Variants in GKAP1 observed in about 807,000 individuals in gnomAD.
The protein encoded by GKAP1 is G kinase-anchoring protein 1.
A neutral mutation model predicts 56.7 loss-of-function variants in GKAP1; 31 were observed. That is an observed-to-expected ratio of 0.55 (90% CI 0.41 to 0.74). The LOEUF is 0.74. GKAP1 is among the 30% of genes least tolerant of loss of function. The pLI is 0.00. For synonymous variants in GKAP1, 151 were observed against 138.6 expected (o/e 1.09, Z -0.63); for missense variants, 364 against 402.3 (o/e 0.90, Z 0.82).
chr9:83,780,536 G>T, intron 6 of GKAP1, 132 bp from the exon 7 acceptor site: 1 of 499,690 alleles, frequency 2.0e-6, no homozygotes, highest in Non-Finnish European at 3.5e-6. Context: ...AGTCATTTAA[G>T]AGTTTTCTAG....
chr9:83,766,842 C>T (rs1279934055), intron 8 of GKAP1, among the ~76,000 whole-genome samples: 1 of 146,600 alleles, frequency 6.8e-6, no homozygotes, highest in Admixed American at 7.2e-5. Context: ...TTTAGAAATA[C>T]CTTTTAAACA....
At chr9:83,754,440 G>C (rs993967324) in intron 8 of GKAP1, among the ~76,000 whole-genome samples, 1 of 152,282 alleles carries the variant, frequency 6.6e-6, no homozygotes, top group Admixed American at 6.5e-5. Flanking sequence ...TCTAGGAGCT[G>C]AGTACACCAT....
At chr9:83,762,687 G>A (rs536983758) in intron 8 of GKAP1, among the ~76,000 whole-genome samples, 28 of 152,230 alleles carry the variant, frequency 1.8e-4, no homozygotes, top group African/African-American at 6.7e-4. Context: ...CAAGGTACTG[G>A]CATAAACACA....
chr9:83,779,608 C>CGTGTATGTGTAT (rs1943935566), intron 7 of GKAP1, among the ~76,000 whole-genome samples: 2 of 78,492 alleles, frequency 2.5e-5, no homozygotes, highest in African/African-American at 9.1e-5. Context: ...TATATATACA[C>CGTGTATGTGTAT]ATATACACAC....
chr9:83,763,393 A>T (rs377049658), intron 8 of GKAP1, among the ~76,000 whole-genome samples: 1 of 152,226 alleles, frequency 6.6e-6, no homozygotes, highest in Non-Finnish European at 1.5e-5. Flanking sequence ...GGTGACTATT[A>T]GTCAATAATT....
intron 4 of GKAP1, among the ~76,000 whole-genome samples, chr9:83,796,969 C>T (rs1191261654): frequency 6.6e-6 from 1 of 152,106 alleles, no homozygotes; most frequent in Admixed American, 6.5e-5. Context: ...AAATCTTTTT[C>T]GAGGTGTGCT....
intron 2 of GKAP1, among the ~76,000 whole-genome samples, chr9:83,816,409 G>A (rs1944596983): frequency 6.6e-6 from 1 of 152,184 alleles, no homozygotes; most frequent in African/African-American, 2.4e-5. Context: ...ACTCAGTGAG[G>A]ACCTGAGGGA....
intron 8 of GKAP1, among the ~76,000 whole-genome samples, chr9:83,757,291 T>C (rs1042156257): frequency 4.6e-5 from 7 of 152,006 alleles, no homozygotes; most frequent in African/African-American, 1.7e-4. Flanking sequence ...AGAAGAAAAA[T>C]TGGAAGAGTA....
At chr9:83,759,809 G>GT (rs139021004) in intron 8 of GKAP1, among the ~76,000 whole-genome samples, 1,784 of 152,070 alleles carry the variant, frequency 0.012, 39 homozygotes, top group African/African-American at 0.041. Flanking sequence ...CCTTCCTTCG[G>GT]TTTTTTCCTA....
chr9:83,739,683 A>G lies in GKAP1; in HGVS notation c.*14T>C. 3 of 1,597,786 alleles carry G rather than the reference A, an allele frequency of 1.9e-6. No homozygotes were observed. The highest frequency in any genetic ancestry group is 2.6e-6 in the Non-Finnish European group (3 of 1,172,356). ...AAGTTTTAAACTTTGTGTTGACTTC[A>G]AAGGCTAATGTAATCACCTACACTG... is the stretch of plus-strand genomic sequence containing the variant. On this transcript the variant is annotated 3_prime_UTR_variant, in exon 13 of 13. Coordinates refer to ENST00000376371, the MANE Select transcript of GKAP1 (RefSeq NM_025211.4).
At chr9:83,745,003 G>A (rs1466913527) in intron 10 of GKAP1, among the ~76,000 whole-genome samples, 1 of 151,998 alleles carries the variant, frequency 6.6e-6, no homozygotes, top group Non-Finnish European at 1.5e-5. Flanking sequence ...TGACAACTGG[G>A]GATTATTACA....
intron 6 of GKAP1, among the ~76,000 whole-genome samples, chr9:83,782,565 C>G (rs1168120525): frequency 6.6e-6 from 1 of 151,450 alleles, no homozygotes; most frequent in Non-Finnish European, 1.5e-5. Context: ...ACCATGTTGG[C>G]CAGGCTGGTC....
At chr9:83,753,725 AAAAT>A (rs1943431554) in intron 8 of GKAP1, among the ~76,000 whole-genome samples, 2 of 152,230 alleles carry the variant, frequency 1.3e-5, no homozygotes, top group African/African-American at 2.4e-5. Context: ...TATGAAAACT[AAAAT>A]AAATAGCTTT....
chr9:83,775,687 G>A (rs1264124412), intron 7 of GKAP1, among the ~76,000 whole-genome samples: 2 of 151,722 alleles, frequency 1.3e-5, no homozygotes, highest in Non-Finnish European at 2.9e-5. Context: ...ACCAGCCTGA[G>A]CAACCCAGTG....
At chr9:83,774,709 T>C (rs1943825730) in intron 7 of GKAP1, among the ~76,000 whole-genome samples, 1 of 131,822 alleles carries the variant, frequency 7.6e-6, no homozygotes, top group Non-Finnish European at 1.6e-5. Context: ...CCCCTTTTTT[T>C]TTTTTTTTTT....
At chr9:83,776,664 G>T (rs1445827217) in intron 7 of GKAP1, among the ~76,000 whole-genome samples, 1 of 152,078 alleles carries the variant, frequency 6.6e-6, no homozygotes, top group Non-Finnish European at 1.5e-5. Context: ...TGGCAAGATA[G>T]CGAGACTCCA....
At chr9:83,766,761 T>G (rs1301005354) in intron 8 of GKAP1, among the ~76,000 whole-genome samples, 1 of 152,230 alleles carries the variant, frequency 6.6e-6, no homozygotes, top group Non-Finnish European at 1.5e-5. Context: ...ATCAAAGGAC[T>G]GTTAAGTAGA....
intron 9 of GKAP1, among the ~76,000 whole-genome samples, chr9:83,749,355 C>A (rs1943348202): frequency 6.6e-6 from 1 of 151,706 alleles, no homozygotes; most frequent in Non-Finnish European, 1.5e-5. Context: ...GCCTCCCTAG[C>A]AGCTGGTACT....
At chr9:83,803,905 G>A (rs1387205105) in intron 3 of GKAP1, among the ~76,000 whole-genome samples, 17 of 141,648 alleles carry the variant, frequency 1.2e-4, no homozygotes, top group Admixed American at 1.1e-3. Context: ...CTGCCCCGCC[G>A]CCCCGTCTGG....
Sources: allele counts gnomAD v4.1 joint callset (sites outside exome capture counted in the v4.1 genomes callset), GRCh38; gene constraint gnomAD v4.1.1; transcripts MANE v1.5; gene names NCBI Gene and HGNC (gene_info 2026-07-23, HGNC 2026-07-21).